The following CCL23 variants were observed in gnomAD, a reference collection of about 807,000 sequenced individuals.
CCL23 encodes the protein C-C motif chemokine 23.
In CCL23, 10 loss-of-function variants were observed where a neutral mutation model predicts 11.8. The ratio of observed to expected loss-of-function variants is 0.84; its 90% confidence interval spans 0.52 to 1.43. The LOEUF is 1.43. Among genes scored for constraint, CCL23 ranks in the 40% most tolerant of loss-of-function variants. CCL23 has a pLI of 0.00. For missense variants in CCL23, 181 were observed against 170.9 expected (o/e 1.06, Z -0.33); for synonymous variants, 60 against 61.0 (o/e 0.98, Z 0.07).
chr17:36,013,722 G>A (rs2090075521), intron 3 of CCL23, 22 bp downstream of exon 3: 4 of 1,613,276 alleles, frequency 2.5e-6, no homozygotes, highest in Admixed American at 1.7e-5. Flanking sequence ...CTCAACACAT[G>A]TTTGGTGAGC....
rs932976529 is a variant in CCL23 at position 36,013,838 on chromosome 17, C to T, written c.208G>A (p.Asp70Asn). 6 of 1,614,016 alleles carry T rather than the reference C, an allele frequency of 3.7e-6. No individual in the cohort carries two copies. The Admixed American group carries it at 6.7e-5, about 18-fold the overall frequency. The change falls in exon 3 of 4, where the codon GAC becomes AAC. Residue 70 changes from aspartate (D) to asparagine (N), a missense_variant. Transcript: ENST00000615050. ...HAAGFHATSADCCISYTPRSI... is the reference protein window; with the variant it reads ...HAAGFHATSANCCISYTPRSI... The stretch of plus-strand genomic sequence containing the variant: ...CGTGGGGTGTAGGAGATGCAGCAGT[C>T]AGCACTAGTAGCATGGAATCCTGCA...
At position 36,014,693 on chromosome 17, in the gene CCL23, A is replaced by T. The variant is rs185319064; in HGVS notation, c.77-300T>A. Among the ~76,000 whole-genome samples, 19 of 152,336 alleles carry T rather than the reference A, an allele frequency of 1.2e-4. No individual in the cohort carries two copies. The East Asian group carries it at 3.7e-3, about 29-fold the overall frequency. On this transcript the variant is annotated intron_variant, in intron 1 of 3. Coordinates refer to ENST00000615050, the MANE Select transcript of CCL23 (RefSeq NM_005064.6). The stretch of plus-strand genomic sequence containing the variant: ...ATGGAATGTCTACATGATGTGACAC[A>T]GTCTACAAGTCTCTCTACACATTTC...
intron 3 of CCL23, 118 bp downstream of exon 3, chr17:36,013,626 C>T: frequency 1.1e-6 from 1 of 949,724 alleles, no homozygotes; most frequent in Non-Finnish European, 1.6e-6. Flanking sequence ...CACAGCTGCC[C>T]CATACCTGGC....
In CCL23 at chr17:36,017,814, G is replaced by A. The variant is rs775705980; in HGVS notation, c.76+8C>T. 2.5e-6 allele frequency: 4 copies of A among 1,613,830 alleles called. No individual in the cohort carries two copies. In the Admixed American group the frequency reaches 6.7e-5, roughly 27 times the overall value. On this transcript the variant is annotated splice_region_variant and intron_variant, in intron 1 of 3. Transcript: ENST00000615050. ...CTGGTCATCTGAGAGAAAGCTCACTGGACTCACCTTTTGTGACCCGGGCCT... is the reference window on the plus strand; with the variant it reads ...CTGGTCATCTGAGAGAAAGCTCACTAGACTCACCTTTTGTGACCCGGGCCT...
At chr17:36,016,808 A>C (rs8075916) in intron 1 of CCL23, among the ~76,000 whole-genome samples, 40,241 of 150,100 alleles carry the variant, frequency 0.27, 6,845 homozygotes, top group African/African-American at 0.48. Context: ...TAATTTAACA[A>C]TTATATTAAA....
At chr17:36,013,653 G>A (rs2090074869) in intron 3 of CCL23, 91 bp downstream of exon 3, 1 of 1,270,624 alleles carries the variant, frequency 7.9e-7, no homozygotes, top group Non-Finnish European at 1.1e-6. Flanking sequence ...CAGAGGGTGG[G>A]CCCTGATGGA....
Position 36,013,128 on chromosome 17 carries a change from T to G in CCL23, c.*69A>C. 1 of 851,930 alleles carries G rather than the reference T, an allele frequency of 1.2e-6. No homozygotes were observed. The highest frequency in any genetic ancestry group is 1.4e-5 in the South Asian group (1 of 72,798). The allele number at this position is 851,930 out of a possible 1,614,324, so 52.8% of individuals were successfully genotyped here. A position where few individuals can be genotyped will look rare whatever the true frequency, so the allele number is the denominator to read the frequency against. ...CAAGAATAAATGCTTCTTAAAAAAA[T>G]AATTCAGGAAGGTAGTTGAGGCAAG... On this transcript the variant is annotated 3_prime_UTR_variant, in exon 4 of 4. Transcript: ENST00000615050.
chr17:36,017,441 A>G (rs2090105855), intron 1 of CCL23, among the ~76,000 whole-genome samples: 1 of 152,186 alleles, frequency 6.6e-6, no homozygotes, highest in African/African-American at 2.4e-5. Context: ...CTCCAAAATG[A>G]TATGATAGAT....
rs527342285 is a variant in CCL23, at chr17:36,013,229, G to A, written c.382C>T (p.Leu128=). ...TTCCTGGTCTTGATCCGTGTGTCCA[G>A]CTTCAGCATTCTCATGCAAACCTGA... ...QVQVCMRMLK[L]DTRIKTRKN is the part of the protein sequence containing the mutation. The change falls in exon 4 of 4, where the codon CTG becomes TTG. Residue 128 remains leucine (L), a synonymous_variant. Coordinates refer to ENST00000615050, the MANE Select transcript of CCL23 (RefSeq NM_005064.6). 6.2e-7 allele frequency: 1 copy of A among 1,613,252 alleles called. No homozygotes were observed. Among genetic ancestry groups the A allele is most frequent in the Non-Finnish European group, 8.5e-7 (1 of 1,179,218 alleles).
chr17:36,014,523 T>C, intron 1 of CCL23, 130 bp from the exon 2 acceptor site: 2 of 724,532 alleles, frequency 2.8e-6, no homozygotes, highest in Non-Finnish European at 4.9e-6. Context: ...CCACCACCTG[T>C]CTGGGCTCTA....
chr17:36,016,823 C>A (rs1411081548), intron 1 of CCL23, among the ~76,000 whole-genome samples: 4 of 150,268 alleles, frequency 2.7e-5, no homozygotes, highest in African/African-American at 9.7e-5. Flanking sequence ...ATTAAATATA[C>A]TATTAATAAT....
intron 1 of CCL23, among the ~76,000 whole-genome samples, chr17:36,016,224 A>G (rs1176288589): frequency 3.3e-5 from 5 of 152,130 alleles, no homozygotes; most frequent in Admixed American, 6.5e-5. Flanking sequence ...GGTTCATTAC[A>G]TAGGTATACA....
intron 1 of CCL23, 57 bp from the exon 2 acceptor site, chr17:36,014,450 C>G: frequency 1.5e-6 from 2 of 1,336,812 alleles, no homozygotes; most frequent in Non-Finnish European, 2.2e-6. Flanking sequence ...ATTGTTTCAG[C>G]ATCTCCACCC....
intron 1 of CCL23, among the ~76,000 whole-genome samples, chr17:36,015,020 G>A (rs1001253879): frequency 2.6e-5 from 4 of 151,958 alleles, no homozygotes; most frequent in South Asian, 2.1e-4. Flanking sequence ...CAGTTCAATA[G>A]CATCAAATAC....
At position 36,013,724 on chromosome 17, in the gene CCL23, T is replaced by G; in HGVS notation, c.302+20A>C. 6.2e-7 allele frequency: 1 copy of G among 1,613,472 alleles called. No individual in the cohort carries two copies. ...AGAGTCCTTCTCCCTCAACACATGT[T>G]TGGTGAGCTTGGCACCTACATGACA... On this transcript the variant is annotated intron_variant, in intron 3 of 3. Coordinates refer to ENST00000615050, the MANE Select transcript of CCL23 (RefSeq NM_005064.6).
chr17:36,017,793 T>A, intron 1 of CCL23, 29 bp downstream of exon 1: 1 of 1,606,588 alleles, frequency 6.2e-7, no homozygotes, highest in Non-Finnish European at 8.5e-7. Flanking sequence ...ATGAACCTGG[T>A]CATCTGAGAG....
chr17:36,014,045 C>A, intron 2 of CCL23, 136 bp from the exon 3 acceptor site: 2 of 844,534 alleles, frequency 2.4e-6, no homozygotes, highest in Non-Finnish European at 1.8e-6. Context: ...TGGGCCAGAG[C>A]AGGACCAGGA....
intron 3 of CCL23, 76 bp from the exon 4 acceptor site, chr17:36,013,384 G>GA: frequency 1.2e-6 from 1 of 856,524 alleles, no homozygotes; most frequent in African/African-American, 1.7e-5. Flanking sequence ...CATTCTCCCT[G>GA]CCCCTCAGAT....
intron 3 of CCL23, chr17:36,013,538 C>A: frequency 1.6e-6 from 1 of 624,788 alleles, no homozygotes; most frequent in Non-Finnish European, 2.8e-6. Flanking sequence ...AGACTTGTGC[C>A]TGCTTTCTTC....
Sources: gnomAD v4.1 joint callset for allele counts (sites outside exome capture counted in the v4.1 genomes callset) on GRCh38, gnomAD v4.1.1 for gene constraint, MANE v1.5 for transcripts, NCBI Gene and HGNC (gene_info 2026-07-23, HGNC 2026-07-21) for gene names.